The following GHR variants were observed in gnomAD, a reference collection of about 807,000 sequenced individuals.
GHR encodes the protein GH receptor.
In GHR, 35 loss-of-function variants were observed where a neutral mutation model predicts 67.1. The observed-to-expected ratio is 0.52, with a 90% CI of 0.40 to 0.69. GHR has a LOEUF of 0.69. Among genes scored for constraint, GHR ranks in the 30% least tolerant of loss-of-function variants. GHR has a pLI of 0.00. For missense variants in GHR, 792 were observed against 764.6 expected, an observed-to-expected ratio of 1.04 and a Z score of -0.42; for synonymous variants, 272 against 269.1, an observed-to-expected ratio of 1.01 and a Z score of -0.10.
chr5:42,667,892 C>T (rs981493819), intron 3 of GHR, among the ~76,000 whole-genome samples: 29 of 152,178 alleles, frequency 1.9e-4, no homozygotes, highest in Admixed American at 1.9e-3. Flanking sequence ...ACCTTTGTCT[C>T]TCCCTCAGGC....
intron 1 of GHR, among the ~76,000 whole-genome samples, chr5:42,546,062 T>G (rs945638161): frequency 1.3e-5 from 2 of 152,196 alleles, no homozygotes; most frequent in Non-Finnish European, 2.9e-5. Flanking sequence ...CTTCTAAAGC[T>G]CATGAAAAAG....
At chr5:42,678,689 TA>T (rs1756687640) in intron 3 of GHR, among the ~76,000 whole-genome samples, 2 of 152,138 alleles carry the variant, frequency 1.3e-5, no homozygotes, top group African/African-American at 4.8e-5. Flanking sequence ...TTGAGGGAAT[TA>T]TAGACCAACA....
chr5:42,522,817 C>T (rs1019173753), intron 1 of GHR, among the ~76,000 whole-genome samples: 2 of 152,014 alleles, frequency 1.3e-5, no homozygotes, highest in Non-Finnish European at 2.9e-5. Context: ...GATTACTTAC[C>T]TTGTGGTGAG....
intron 4 of GHR, among the ~76,000 whole-genome samples, chr5:42,689,990 C>A (rs1284838909): frequency 6.6e-6 from 1 of 152,098 alleles, no homozygotes; most frequent in South Asian, 2.1e-4. Context: ...TTATTTCTTC[C>A]CCTTCACCTG....
intron 1 of GHR, among the ~76,000 whole-genome samples, chr5:42,516,044 A>G (rs924131526): frequency 1.3e-5 from 2 of 152,212 alleles, no homozygotes; most frequent in African/African-American, 4.8e-5. Context: ...GTAGTAACAT[A>G]ATAAGTTAGA....
chr5:42,434,064 C>A (rs1743217439), intron 1 of GHR, among the ~76,000 whole-genome samples: 1 of 152,092 alleles, frequency 6.6e-6, no homozygotes, highest in Non-Finnish European at 1.5e-5. Context: ...CTGAAAACTT[C>A]TTTCTTAAAC....
chr5:42,439,119 G>A (rs1262830987), intron 1 of GHR, among the ~76,000 whole-genome samples: 1 of 152,128 alleles, frequency 6.6e-6, no homozygotes, highest in Non-Finnish European at 1.5e-5. Context: ...AAACATCATA[G>A]TTACAATGAC....
chr5:42,545,953 TC>T (rs1748715227), intron 1 of GHR, among the ~76,000 whole-genome samples: 1 of 152,166 alleles, frequency 6.6e-6, no homozygotes, highest in Non-Finnish European at 1.5e-5. Context: ...CCTTAATAAT[TC>T]CCCCAAATAA....
chr5:42,709,082 G>A (rs559324519), intron 6 of GHR, among the ~76,000 whole-genome samples: 84 of 152,174 alleles, frequency 5.5e-4, no homozygotes, highest in South Asian at 1.9e-3. Flanking sequence ...AGTGTGTGTC[G>A]CTTGCATCAG....
chr5:42,542,015 A>G (rs1237669097), intron 1 of GHR, among the ~76,000 whole-genome samples: 2 of 152,220 alleles, frequency 1.3e-5, no homozygotes, highest in Non-Finnish European at 2.9e-5. Context: ...GGTCTGGATT[A>G]AAGTTATGAT....
At chr5:42,474,902 T>A (rs1032048341) in intron 1 of GHR, among the ~76,000 whole-genome samples, 8 of 136,868 alleles carry the variant, frequency 5.8e-5, no homozygotes, top group East Asian at 2.0e-4. Context: ...TTTTTTTTTT[T>A]AAACAGAGTC....
intron 1 of GHR, among the ~76,000 whole-genome samples, chr5:42,563,651 T>C (rs1338382891): frequency 1.5e-5 from 1 of 68,154 alleles, no homozygotes; most frequent in South Asian, 4.4e-4. Context: ...AAAAAAAAAA[T>C]ACAAAAATTA....
chr5:42,673,489 A>G (rs532479096), intron 3 of GHR, among the ~76,000 whole-genome samples: 2 of 152,298 alleles, frequency 1.3e-5, no homozygotes, highest in East Asian at 3.9e-4. Flanking sequence ...TCATTACAAC[A>G]CTGTTCGCAA....
intron 4 of GHR, among the ~76,000 whole-genome samples, chr5:42,689,470 A>G (rs1307184109): frequency 6.6e-6 from 1 of 152,096 alleles, no homozygotes; most frequent in East Asian, 1.9e-4. Context: ...GAGTGTGTGT[A>G]AAAGGCTTGA....
chr5:42,547,476 G>GT (rs113986171), intron 1 of GHR, among the ~76,000 whole-genome samples: 6,397 of 149,064 alleles, frequency 0.043, 247 homozygotes, highest in African/African-American at 0.11. Flanking sequence ...TAGAAAGCTG[G>GT]TTTTTTTTTT....
chr5:42,561,869 A>G (rs969628432), intron 1 of GHR, among the ~76,000 whole-genome samples: 14 of 152,210 alleles, frequency 9.2e-5, no homozygotes, highest in African/African-American at 3.4e-4. Context: ...CTAAGGTCCA[A>G]TTTAGTAGAT....
At chr5:42,467,554 G>A (rs879886523) in intron 1 of GHR, 143 of 1,510,608 alleles carry the variant, frequency 9.5e-5, no homozygotes, top group Non-Finnish European at 1.2e-4. Flanking sequence ...ACGCCTAAAG[G>A]TTTTTTCTAA....
At chr5:42,441,241 C>T (rs192925412) in intron 1 of GHR, among the ~76,000 whole-genome samples, 10 of 152,020 alleles carry the variant, frequency 6.6e-5, no homozygotes, top group East Asian at 1.9e-4. Flanking sequence ...ATCTCAGAGG[C>T]CAAGGAAAGA....
At chr5:42,562,732 C>T (rs1432806037) in intron 1 of GHR, among the ~76,000 whole-genome samples, 2 of 146,144 alleles carry the variant, frequency 1.4e-5, no homozygotes, top group African/African-American at 5.0e-5. Flanking sequence ...CTCACTTCAA[C>T]CTCCACCTCC....
Sources: allele counts gnomAD v4.1 joint callset (sites outside exome capture counted in the v4.1 genomes callset), GRCh38; gene constraint gnomAD v4.1.1; transcripts MANE v1.5; gene names NCBI Gene and HGNC (gene_info 2026-07-23, HGNC 2026-07-21).